ITPRID1: variants seen among roughly 807,000 people sequenced by gnomAD.
ITPRID1 encodes protein ITPRID1.
In ITPRID1, 96 loss-of-function variants were observed where a neutral mutation model predicts 95.4. The observed-to-expected ratio is 1.01, with a 90% CI of 0.85 to 1.19. The LOEUF is 1.19. Ranked by LOEUF, ITPRID1 falls within the 50% of genes most tolerant of loss-of-function variation. The pLI is 0.00. For missense variants in ITPRID1, 1,339 were observed against 1,252.9 expected, an observed-to-expected ratio of 1.07 and a Z score of -1.04; for synonymous variants, 510 against 453.6, an observed-to-expected ratio of 1.12 and a Z score of -1.58.
intron 10 of ITPRID1, among the ~76,000 whole-genome samples, chr7:31,627,413 T>C (rs538673467): frequency 3.3e-5 from 5 of 152,186 alleles, no homozygotes; most frequent in Non-Finnish European, 5.9e-5. Flanking sequence ...ATCCCAGCTC[T>C]TTGGGAGGTC....
At chr7:31,590,487 G>T (rs1190958999) in intron 10 of ITPRID1, among the ~76,000 whole-genome samples, 1 of 152,116 alleles carries the variant, frequency 6.6e-6, no homozygotes, top group Non-Finnish European at 1.5e-5. Flanking sequence ...TTCTAAAAAA[G>T]ATATATATCT....
In ITPRID1 at chr7:31,569,787, A is replaced by G; in HGVS notation, c.286A>G (p.Met96Val). ...TTTGTATGAACAAGGGATGGTTCAA[A>G]TGACTGTGAAAGACTACATGAGGTA... The part of the protein sequence containing the change: ...VSLYEQGMVQ[M>V]TVKDYMRSLH... The change falls in exon 6 of 15, where the codon ATG becomes GTG. Residue 96 changes from methionine (M) to valine (V), a missense_variant. Met to Val is a conservative substitution (Grantham distance 21). Transcript: ENST00000615280. The G allele has an allele frequency of 1.9e-6, 3 of 1,587,566 alleles. No individual in the cohort carries two copies. The highest frequency in any genetic ancestry group is 2.6e-6 in the Non-Finnish European group (3 of 1,165,668).
intron 5 of ITPRID1, among the ~76,000 whole-genome samples, chr7:31,566,452 T>A (rs535660272): frequency 6.6e-6 from 1 of 152,130 alleles, no homozygotes; most frequent in Non-Finnish European, 1.5e-5. Flanking sequence ...CCTAGAACCA[T>A]GCAATGTTTT....
Position 31,653,105 on chromosome 7 carries a change from G to C in ITPRID1, c.*276G>C. 3.3e-6 allele frequency: 2 copies of C among 611,154 alleles called. No homozygotes were observed. The highest frequency in any genetic ancestry group is 4.8e-6 in the Non-Finnish European group (2 of 418,684). 37.9% of individuals were successfully genotyped at this position (611,154 alleles called of 1,614,324 possible). On this transcript the variant is annotated 3_prime_UTR_variant, in exon 15 of 15. Transcript: ENST00000615280. ...GCCCTGCTAGAACTTACAGTGTAGT[G>C]GGGGAGATAGAATTGCAAACAAAAA...
chr7:31,583,120 T>C lies in ITPRID1; in HGVS notation c.1171-14T>C, dbSNP rs371397376. On this transcript the variant is annotated splice_polypyrimidine_tract_variant and intron_variant, in intron 9 of 14. Transcript: ENST00000615280. ...CAAAATTTCTAATGACATTGATGCATTTTGATATCTTAGGTCCAAAGCTTT... is the reference window on the plus strand; with the variant it reads ...CAAAATTTCTAATGACATTGATGCACTTTGATATCTTAGGTCCAAAGCTTT... The C allele has an allele frequency of 4.4e-6, 7 of 1,596,638 alleles. No homozygotes were observed. In the African/African-American group the frequency reaches 9.4e-5, roughly 21 times the overall value.
At chr7:31,640,104 C>T (rs998712208) in intron 10 of ITPRID1, among the ~76,000 whole-genome samples, 6 of 152,132 alleles carry the variant, frequency 3.9e-5, no homozygotes, top group African/African-American at 1.4e-4. Context: ...TCAGGTCTTG[C>T]TTTTAAGGCT....
Position 31,642,744 on chromosome 7 carries a change from G to C in ITPRID1, c.1374G>C (p.Gln458His). The change falls in exon 12 of 15, where the codon CAG becomes CAC. Residue 458 changes from glutamine (Q) to histidine (H), a missense_variant. Coordinates refer to ENST00000615280, the MANE Select transcript of ITPRID1 (RefSeq NM_001257967.3). ...AENGGRKPRD[Q>H]SHSLVSSQDC... ...ATGGAGGTAGAAAGCCAAGAGATCA[G>C]AGCCACAGCTTAGTATCATCCCAGG... 1 of 1,614,006 alleles carries C rather than the reference G, an allele frequency of 6.2e-7. No individual in the cohort carries two copies. Among genetic ancestry groups the C allele is most frequent in the Non-Finnish European group, 8.5e-7 (1 of 1,179,894 alleles).
intron 10 of ITPRID1, among the ~76,000 whole-genome samples, chr7:31,587,978 C>A (rs1785692453): frequency 6.6e-6 from 1 of 152,160 alleles, no homozygotes; most frequent in South Asian, 2.1e-4. Context: ...ACACCTTAGA[C>A]AAATCTTTAG....
chr7:31,582,271 C>T (rs1785430960), intron 9 of ITPRID1, among the ~76,000 whole-genome samples: 1 of 152,074 alleles, frequency 6.6e-6, no homozygotes, highest in Non-Finnish European at 1.5e-5. Flanking sequence ...TCAAAGAAAT[C>T]TTATTATGTG....
chr7:31,531,609 A>G (rs564341874), intron 1 of ITPRID1, among the ~76,000 whole-genome samples: 9 of 152,306 alleles, frequency 5.9e-5, no homozygotes, highest in Non-Finnish European at 1.0e-4. Context: ...AAAGAAATGT[A>G]TTACTCACAA....
chr7:31,599,694 T>TCTC (rs1562599189), intron 10 of ITPRID1, among the ~76,000 whole-genome samples: 3 of 95,888 alleles, frequency 3.1e-5, no homozygotes, highest in African/African-American at 8.9e-5. Flanking sequence ...CTCTCTCTCT[T>TCTC]TCTTTCTTTC....
intron 10 of ITPRID1, among the ~76,000 whole-genome samples, chr7:31,619,855 A>C (rs550023868): frequency 6.6e-6 from 1 of 152,268 alleles, no homozygotes; most frequent in Admixed American, 6.5e-5. Context: ...TTTCCTAGTC[A>C]AAGAAAGGGG....
In ITPRID1 at chr7:31,652,629, A is replaced by G; in HGVS notation, c.2935A>G (p.Met979Val). ...QTSCSKIHPGMAPRTVFPPDD... is the reference protein window; with the variant it reads ...QTSCSKIHPGVAPRTVFPPDD... ...TTCATGTTCTAAAATCCACCCAGGC[A>G]TGGCCCCGAGGACTGTGTTTCCTCC... The change falls in exon 15 of 15, where the codon ATG becomes GTG. Residue 979 changes from methionine (M) to valine (V), a missense_variant. Coordinates refer to ENST00000615280, the MANE Select transcript of ITPRID1 (RefSeq NM_001257967.3). 1 of 1,613,822 alleles carries G rather than the reference A, an allele frequency of 6.2e-7. No individual in the cohort carries two copies. Among genetic ancestry groups the G allele is most frequent in the Non-Finnish European group, 8.5e-7 (1 of 1,179,836 alleles).
At chr7:31,524,780 G>A (rs376993296) in intron 1 of ITPRID1, among the ~76,000 whole-genome samples, 16 of 152,078 alleles carry the variant, frequency 1.1e-4, no homozygotes, top group African/African-American at 2.4e-4. Flanking sequence ...TTTATTTTAC[G>A]TAGTATTGTA....
rs1234644150 is a variant in ITPRID1 at position 31,643,170 on chromosome 7, T to C, written c.1800T>C (p.Pro600=). Reference sequence around the variant, plus strand: ...ACCACAATGAGTCTCAAAGGTCACCTGGAAATGATCATACTCAAGACAAGT... The same window carrying C: ...ACCACAATGAGTCTCAAAGGTCACCCGGAAATGATCATACTCAAGACAAGT... The part of the protein sequence containing the change: ...QSHHNESQRS[P]GNDHTQDKFL... Residue 600 remains proline, a synonymous_variant, in exon 12 of 15, where the codon CCT becomes CCC. Coordinates refer to ENST00000615280, the MANE Select transcript of ITPRID1 (RefSeq NM_001257967.3). 2.5e-6 allele frequency: 4 copies of C among 1,613,832 alleles called. No homozygotes were observed.
At chr7:31,628,403 C>G (rs1303130791) in intron 10 of ITPRID1, among the ~76,000 whole-genome samples, 1 of 152,014 alleles carries the variant, frequency 6.6e-6, no homozygotes, top group Non-Finnish European at 1.5e-5. Context: ...AATCCCACAT[C>G]TGTCCCCCAG....
intron 10 of ITPRID1, among the ~76,000 whole-genome samples, chr7:31,624,637 A>G (rs1230586098): frequency 1.3e-5 from 2 of 149,540 alleles, no homozygotes; most frequent in East Asian, 3.9e-4. Flanking sequence ...TGGATTAAAG[A>G]CTTAAACGTT....
chr7:31,604,997 G>A (rs1786552853), intron 10 of ITPRID1, among the ~76,000 whole-genome samples: 1 of 152,062 alleles, frequency 6.6e-6, no homozygotes, highest in Admixed American at 6.5e-5. Context: ...AATTAGCCGG[G>A]GGTGGTGGCA....
At chr7:31,648,727 G>C (rs770009499) in intron 12 of ITPRID1, among the ~76,000 whole-genome samples, 2 of 152,156 alleles carry the variant, frequency 1.3e-5, no homozygotes, top group Non-Finnish European at 2.9e-5. Flanking sequence ...GAACCAGTTG[G>C]GAAGTCTTGG....
Sources: allele counts gnomAD v4.1 joint callset (sites outside exome capture counted in the v4.1 genomes callset), GRCh38; gene constraint gnomAD v4.1.1; transcripts MANE v1.5; gene names NCBI Gene and HGNC (gene_info 2026-07-23, HGNC 2026-07-21).